The following CELF2 variants were observed in gnomAD, a reference collection of about 807,000 sequenced individuals.
CELF2 encodes CUGBP Elav-like family member 2, also known as CUG triplet repeat RNA-binding protein 2.
CELF2 carries 8 observed loss-of-function variants against 62.6 expected under a neutral mutation model. The observed-to-expected ratio is 0.13, with a 90% CI of 0.07 to 0.23. The LOEUF (loss-of-function observed/expected upper bound fraction) is 0.23, where lower values mean the gene tolerates loss of function less well. CELF2 is among the 10% of genes least tolerant of loss of function. The probability of loss-of-function intolerance (pLI) is 1.00; values close to 1 mark genes in which losing one functional copy is unlikely to be tolerated. For synonymous variants in CELF2, 258 were observed against 250.0 expected (o/e 1.03, Z -0.30); for missense variants, 333 against 671.0 (o/e 0.50, Z 5.56).
the CELF2 span, among the ~76,000 whole-genome samples, chr10:10,487,380 C>CA: frequency 0.053 from 8,010 of 152,232 alleles, 698 homozygotes; most frequent in African/African-American, 0.18. Flanking sequence ...CAGCCATTTA[C>CA]AAAGCCAAAC....
the CELF2 span, among the ~76,000 whole-genome samples, chr10:10,525,700 A>G: frequency 6.6e-6 from 1 of 152,246 alleles, no homozygotes; most frequent in Non-Finnish European, 1.5e-5. Context: ...TGGGTTTTGC[A>G]TATAGACAAC....
At chr10:11,029,340 CAG>C (rs1291595357) in intron 1 of CELF2, among the ~76,000 whole-genome samples, 1 of 152,186 alleles carries the variant, frequency 6.6e-6, no homozygotes, top group Non-Finnish European at 1.5e-5. Flanking sequence ...GCTAAGAGAT[CAG>C]AGTCTCCACA....
At chr10:10,570,922 A>T in the CELF2 span, among the ~76,000 whole-genome samples, 1 of 152,126 alleles carries the variant, frequency 6.6e-6, no homozygotes, top group Non-Finnish European at 1.5e-5. Context: ...AGCTTTTTTG[A>T]GGTTGAAAGT....
In CELF2 at chr10:11,227,273, C is replaced by T. The variant is rs1267402610; in HGVS notation, c.354+9766C>T. Among the ~76,000 whole-genome samples the T allele has an allele frequency of 6.6e-6, 1 of 152,222 alleles. No individual in the cohort carries two copies. Among genetic ancestry groups the T allele is most frequent in the African/African-American group, 2.4e-5 (1 of 41,452 alleles). ...GAAGTGATGGTCCAAGCAGTCAAGT[C>T]TGCATAACCATCTAAGCTTCTGAAT... On this transcript the variant is annotated intron_variant, in intron 3 of 12. Coordinates refer to ENST00000633077, the MANE Select transcript of CELF2 (RefSeq NM_001326342.2). The surrounding 1 kb of genome is among the most constrained non-coding windows in gnomAD (Gnocchi z 4.8).
the CELF2 span, among the ~76,000 whole-genome samples, chr10:10,762,436 A>C: frequency 5.3e-4 from 81 of 152,212 alleles, no homozygotes; most frequent in Non-Finnish European, 2.1e-4. Flanking sequence ...AGATATAGGT[A>C]GGAAAATCAT....
chr10:10,846,076 G>A (rs985271490), intron 1 of CELF2: 3 of 984,558 alleles, frequency 3.0e-6, no homozygotes, highest in Admixed American at 6.2e-5. Flanking sequence ...TTTGTGATTC[G>A]ATCAGATCCT....
intron 1 of CELF2, among the ~76,000 whole-genome samples, chr10:11,023,526 C>G (rs549185493): frequency 7.5e-4 from 115 of 152,330 alleles, no homozygotes; most frequent in Middle Eastern, 6.8e-3. Context: ...TATCCTCATG[C>G]TCTGAATCCA....
chr10:10,629,660 G>A, the CELF2 span, among the ~76,000 whole-genome samples: 1 of 151,930 alleles, frequency 6.6e-6, no homozygotes, highest in Non-Finnish European at 1.5e-5. Context: ...CAATCTCTCT[G>A]ACAAAAGACC....
chr10:11,279,200 G>A (rs2087320963), intron 8 of CELF2, among the ~76,000 whole-genome samples: 1 of 152,186 alleles, frequency 6.6e-6, no homozygotes, highest in South Asian at 2.1e-4. Context: ...TGAACGGGAG[G>A]AAACTGCTTC....
chr10:10,526,282 A>G, the CELF2 span, among the ~76,000 whole-genome samples: 2 of 152,198 alleles, frequency 1.3e-5, no homozygotes, highest in Non-Finnish European at 2.9e-5. Flanking sequence ...TGTTCTAATA[A>G]AAAATTATGG....
intron 1 of CELF2, among the ~76,000 whole-genome samples, chr10:10,908,302 C>T (rs1365883881): frequency 7.0e-6 from 1 of 143,686 alleles, no homozygotes; most frequent in Admixed American, 7.3e-5. Context: ...TCACTGCAAG[C>T]TCCACCTCCC....
At chr10:10,605,517 GAATACA>G in the CELF2 span, among the ~76,000 whole-genome samples, 1 of 152,216 alleles carries the variant, frequency 6.6e-6, no homozygotes, top group East Asian at 1.9e-4. Flanking sequence ...CGTTATAGCT[GAATACA>G]AATACGATTA....
intron 1 of CELF2, among the ~76,000 whole-genome samples, chr10:10,828,389 G>A (rs983381879): frequency 1.3e-5 from 2 of 152,112 alleles, no homozygotes; most frequent in East Asian, 1.9e-4. Context: ...TGAGCATTAC[G>A]GTGAGTGAAA....
intron 1 of CELF2, among the ~76,000 whole-genome samples, chr10:11,116,491 A>C (rs1362088972): frequency 6.6e-6 from 1 of 152,218 alleles, no homozygotes; most frequent in Non-Finnish European, 1.5e-5. Flanking sequence ...TGAGGCCTGG[A>C]GTCTAACCAG....
At chr10:11,060,611 G>A (rs530266741) in intron 1 of CELF2, among the ~76,000 whole-genome samples, 1 of 152,150 alleles carries the variant, frequency 6.6e-6, no homozygotes, top group Non-Finnish European at 1.5e-5. Context: ...CACTTCACTG[G>A]AATGTGCTTT....
In CELF2 at chr10:10,882,142, T is replaced by C. The variant is rs542518786; in HGVS notation, c.54-37822T>C. ...CCACAGAATGGTTATCAACATTGTT[T>C]AGACTGCTATTGGCTTGCATCTTGT... On this transcript the variant is annotated intron_variant, in intron 1 of 13. Transcript: ENST00000636488. Among the ~76,000 whole-genome samples the C allele has an allele frequency of 2.0e-5, 3 of 152,360 alleles. No individual in the cohort carries two copies. In the East Asian group the frequency reaches 5.8e-4, roughly 29 times the overall value.
chr10:11,287,057 G>A (rs1238873449), intron 8 of CELF2, among the ~76,000 whole-genome samples: 1 of 152,130 alleles, frequency 6.6e-6, no homozygotes, highest in African/African-American at 2.4e-5. Flanking sequence ...CCCGTGGCTG[G>A]GGGCTTACAC....
intron 2 of CELF2, among the ~76,000 whole-genome samples, chr10:10,943,860 C>G (rs1401529607): frequency 1.3e-5 from 2 of 151,904 alleles, no homozygotes; most frequent in Non-Finnish European, 2.9e-5. Context: ...CCTCAGCCTC[C>G]CTAAGTGCTG....
At chr10:11,021,647 A>T (rs546676692) in intron 1 of CELF2, among the ~76,000 whole-genome samples, 2 of 152,182 alleles carry the variant, frequency 1.3e-5, no homozygotes, top group Non-Finnish European at 2.9e-5. Flanking sequence ...CAGGGTGGAT[A>T]TTGCCCACAT....
Sources: gnomAD v4.1 joint callset for allele counts (sites outside exome capture counted in the v4.1 genomes callset) on GRCh38, gnomAD v4.1.1 for gene constraint, Gnocchi (gnomAD v3.1) non-coding constraint, MANE v1.5 for transcripts, NCBI Gene and HGNC (gene_info 2026-07-23, HGNC 2026-07-21) for gene names.